The following SMS variants were observed in gnomAD, a reference collection of about 807,000 sequenced individuals.
SMS encodes spermidine aminopropyltransferase.
Under a neutral mutation model 33.0 loss-of-function variants are expected in SMS, and 3 were observed. The observed-to-expected ratio is 0.09, with a 90% CI of 0.04 to 0.23. The LOEUF (loss-of-function observed/expected upper bound fraction) is 0.23, where lower values mean the gene tolerates loss of function less well. SMS is among the 10% of genes least tolerant of loss of function. The pLI is 1.00. For synonymous variants in SMS, 103 were observed against 112.2 expected (o/e 0.92, Z 0.52); for missense variants, 117 against 288.6 (o/e 0.41, Z 4.31).
At chrX:21,983,199 C>G (rs1310085763) in intron 7 of SMS, among the ~76,000 whole-genome samples, 1 of 109,554 alleles carries the variant, frequency 9.1e-6, no homozygotes, top group Admixed American at 9.9e-5. Flanking sequence ...ACCACTAGGC[C>G]CAGCTGATTT....
At chrX:21,977,319 C>T (rs776634651) in intron 5 of SMS, 83 bp downstream of exon 5, 100 of 898,503 alleles carry the variant, frequency 1.1e-4, no homozygotes, top group Non-Finnish European at 1.4e-4. Context: ...TTACTACTGT[C>T]GTGGATTTGT....
chrX:21,970,894 T>A (rs1442961496), intron 2 of SMS, among the ~76,000 whole-genome samples: 3 of 110,670 alleles, frequency 2.7e-5, no homozygotes, highest in African/African-American at 9.8e-5. Flanking sequence ...TCTGTGTAAA[T>A]GCAAAACAAA....
At chrX:21,973,289 T>C (rs1569349828) in intron 4 of SMS, among the ~76,000 whole-genome samples, 1 of 112,034 alleles carries the variant, frequency 8.9e-6, no homozygotes, top group Non-Finnish European at 1.9e-5. Context: ...ATAGAAAAAG[T>C]AGCCAGGCGT....
rs1039611248 is a variant in SMS, at chrX:21,968,490, G to A, written c.170+1174G>A. Among the ~76,000 whole-genome samples the A allele has an allele frequency of 9.0e-5, 10 of 111,684 alleles. No homozygotes were observed. The East Asian group carries it at 1.4e-3, about 16-fold the overall frequency. On this transcript the variant is annotated intron_variant, in intron 2 of 10. Transcript: ENST00000404933. Reference sequence around the variant, plus strand: ...GGCAATGATCTCCTGGGCCCCTACCGTAAGAGTTCTTGAAGCAATAAGTGG... The same window carrying A: ...GGCAATGATCTCCTGGGCCCCTACCATAAGAGTTCTTGAAGCAATAAGTGG...
rs140953114 is a variant in SMS, at chrX:21,972,635, G to A, written c.329+64G>A. On this transcript the variant is annotated intron_variant, in intron 4 of 10. Coordinates refer to ENST00000404933, the MANE Select transcript of SMS (RefSeq NM_004595.5). ...TTGAAACAATCATAGTTGGCTGGGCGCGGTAGCTCACACCTGTAATCCCAG... is the reference window on the plus strand; with the variant it reads ...TTGAAACAATCATAGTTGGCTGGGCACGGTAGCTCACACCTGTAATCCCAG... The A allele has an allele frequency of 4.3e-3, 3,397 of 797,490 alleles. 45 individuals carry two copies. Among genetic ancestry groups the A allele is most frequent in the Non-Finnish European group, 1.9e-3 (981 of 525,626 alleles). 65.7% of individuals were successfully genotyped at this position (797,490 alleles called of 1,213,427 possible).
At chrX:21,993,979 C>T (rs1037864954) in intron 10 of SMS, among the ~76,000 whole-genome samples, 3 of 108,059 alleles carry the variant, frequency 2.8e-5, no homozygotes, top group Non-Finnish European at 3.8e-5. Context: ...CTAACTTTCC[C>T]TCCCTCCCTC....
chrX:21,971,775 G>GTA, intron 2 of SMS, 122 bp from the exon 3 acceptor site: 1 of 535,261 alleles, frequency 1.9e-6, no homozygotes, highest in Non-Finnish European at 3.3e-6. Context: ...AAGCTTAACT[G>GTA]TATACTTTTG....
At chrX:21,980,402 G>A (rs1231730008) in intron 7 of SMS, among the ~76,000 whole-genome samples, 1 of 71,214 alleles carries the variant, frequency 1.4e-5, no homozygotes, top group Non-Finnish European at 2.6e-5. Flanking sequence ...GGGCAACAGA[G>A]GGAGACTGTC....
chrX:21,973,446 AAAAC>A (rs1465264935), intron 4 of SMS, among the ~76,000 whole-genome samples: 1 of 112,789 alleles, frequency 8.9e-6, no homozygotes, highest in African/African-American at 3.2e-5. Context: ...AAAACAAAAC[AAAAC>A]AAATACCTGA....
At chrX:21,964,281 T>C (rs749249535) in intron 1 of SMS, among the ~76,000 whole-genome samples, 5 of 111,536 alleles carry the variant, frequency 4.5e-5, no homozygotes, top group Non-Finnish European at 9.4e-5. Context: ...TGTTTATAGA[T>C]GCTTGTGCTG....
chrX:21,974,250 C>T (rs530718996), intron 4 of SMS, among the ~76,000 whole-genome samples: 81 of 112,395 alleles, frequency 7.2e-4, no homozygotes, highest in African/African-American at 2.3e-3. Flanking sequence ...TGTAAGATAA[C>T]TAGGTAATTG....
chrX:21,976,083 G>T (rs1924514383), intron 4 of SMS, among the ~76,000 whole-genome samples: 1 of 110,657 alleles, frequency 9.0e-6, no homozygotes, highest in Non-Finnish European at 1.9e-5. Flanking sequence ...CTGTCATTTA[G>T]TGTCCTCTGC....
rs182078714 is a variant in SMS at position 21,953,692 on chromosome X, T to G, written c.49+12819T>G. 6.2e-5 allele frequency among the ~76,000 whole-genome samples: 7 copies of G among 112,553 alleles called. No individual in the cohort carries two copies. The East Asian group carries it at 1.9e-3, about 31-fold the overall frequency. On this transcript the variant is annotated intron_variant, in intron 1 of 10. Transcript: ENST00000404933. ...CATTTCATTCTTAAGTTGCCACATT[T>G]ATGTGTGTAGAGTTGTAGTATTCCC...
In SMS at chrX:21,977,046, T is replaced by C; in HGVS notation, c.330-15T>C. On this transcript the variant is annotated splice_polypyrimidine_tract_variant and intron_variant, in intron 4 of 10. Transcript: ENST00000404933. ...TGTTCTAGTAAGGTACATTTCTGTT[T>C]TTCTCTTTTTCCAGATTACCACCCA... 8.3e-7 allele frequency: 1 copy of C among 1,203,945 alleles called. No individual in the cohort carries two copies. The highest frequency in any genetic ancestry group is 1.1e-6 in the Non-Finnish European group (1 of 888,389).
At chrX:21,948,852 G>A (rs1922415797) in intron 1 of SMS, among the ~76,000 whole-genome samples, 1 of 112,163 alleles carries the variant, frequency 8.9e-6, no homozygotes, top group Admixed American at 9.4e-5. Context: ...CTGCTGGTGT[G>A]CACTGTGGCT....
chrX:21,987,778 G>C lies in SMS; in HGVS notation c.945+2555G>C, dbSNP rs779307772. Among the ~76,000 whole-genome samples the C allele has an allele frequency of 2.7e-5, 3 of 112,550 alleles. No individual in the cohort carries two copies. The South Asian group carries it at 1.1e-3, about 41-fold the overall frequency. On this transcript the variant is annotated intron_variant, in intron 9 of 10. Transcript: ENST00000404933. Reference sequence around the variant, plus strand: ...AACTAGTCAGTCTGTAGTACAAAAGGCAGGACAAAAGAAGACAGCCACACT... The same window carrying C: ...AACTAGTCAGTCTGTAGTACAAAAGCCAGGACAAAAGAAGACAGCCACACT...
intron 7 of SMS, among the ~76,000 whole-genome samples, chrX:21,979,720 G>A (rs1326923637): frequency 1.8e-5 from 2 of 110,600 alleles, no homozygotes; most frequent in Non-Finnish European, 3.8e-5. Flanking sequence ...TGTATACCCA[G>A]TAATGTGATC....
At chrX:21,945,069 C>G (rs778655364) in intron 1 of SMS, among the ~76,000 whole-genome samples, 2 of 112,080 alleles carry the variant, frequency 1.8e-5, no homozygotes, top group South Asian at 7.3e-4. Context: ...AACAGGCCAG[C>G]CAGCTCTGAA....
At position 21,982,533 on chromosome X, in the gene SMS, C is replaced by T. The variant is rs112856711; in HGVS notation, c.751-1771C>T. Among the ~76,000 whole-genome samples the T allele has an allele frequency of 4.7e-3, 524 of 111,799 alleles. 4 individuals are homozygous for T. The highest frequency in any genetic ancestry group is 7.1e-3 in the Non-Finnish European group (378 of 53,183). On this transcript the variant is annotated intron_variant, in intron 7 of 10. Coordinates refer to ENST00000404933, the MANE Select transcript of SMS (RefSeq NM_004595.5). ...GAATTGCTATCAAAACCGGAACACA[C>T]GGCTTCTAGCCGGTGTTTGAGCACA...
Sources: allele counts gnomAD v4.1 joint callset (sites outside exome capture counted in the v4.1 genomes callset), GRCh38; gene constraint gnomAD v4.1.1; transcripts MANE v1.5; gene names NCBI Gene and HGNC (gene_info 2026-07-23, HGNC 2026-07-21).